TRIO: variants seen among roughly 807,000 people sequenced by gnomAD.
TRIO encodes triple functional domain protein.
Under a neutral mutation model 351.9 loss-of-function variants are expected in TRIO, and 58 were observed. The ratio of observed to expected loss-of-function variants is 0.16; its 90% CI spans 0.13 to 0.21. The LOEUF is 0.21. Among genes scored for constraint, TRIO ranks in the 10% least tolerant of loss-of-function variants. The pLI is 1.00. For synonymous variants in TRIO, 1,758 were observed against 1,595.7 expected (o/e 1.10, Z -2.42); for missense variants, 3,201 against 4,027.8 (o/e 0.79, Z 5.56).
rs962725852 is a variant in TRIO, at chr5:14,498,435, C to T, written c.8211-84C>T. 1.9e-6 allele frequency: 3 copies of T among 1,544,290 alleles called. No individual in the cohort carries two copies. In the South Asian group the frequency reaches 3.6e-5, roughly 18 times the overall value. ...CATCAGCACTTGAGCTCCTGCCTTC[C>T]CTTGATCCTGAAGGAGGAGGCCAGC... On this transcript the variant is annotated intron_variant, in intron 52 of 56. Transcript: ENST00000344204.
At chr5:14,170,170 C>CT (rs1481020514) in intron 1 of TRIO, among the ~76,000 whole-genome samples, 1 of 152,042 alleles carries the variant, frequency 6.6e-6, no homozygotes, top group Non-Finnish European at 1.5e-5. Context: ...TTTGGAAAGC[C>CT]TTTTTTTCTT....
intron 34 of TRIO, among the ~76,000 whole-genome samples, chr5:14,434,280 G>C (rs1451550502): frequency 1.3e-5 from 2 of 152,146 alleles, no homozygotes; most frequent in African/African-American, 4.8e-5. Flanking sequence ...TCCCACAAAA[G>C]TATGTGGAAA....
intron 1 of TRIO, among the ~76,000 whole-genome samples, chr5:14,205,491 T>G (rs1301842836): frequency 1.3e-5 from 2 of 152,156 alleles, no homozygotes; most frequent in African/African-American, 4.8e-5. Context: ...TATCTGAAGT[T>G]CCTTGGCCAG....
chr5:14,233,907 CAG>C (rs1385248266), intron 1 of TRIO, among the ~76,000 whole-genome samples: 1 of 152,128 alleles, frequency 6.6e-6, no homozygotes. Context: ...TCTTTCACCT[CAG>C]CCTCCTGAGT....
chr5:14,209,394 C>T (rs972648784), intron 1 of TRIO, among the ~76,000 whole-genome samples: 5 of 152,192 alleles, frequency 3.3e-5, no homozygotes, highest in Non-Finnish European at 7.3e-5. Context: ...GTGAGCTCTT[C>T]GGAAGTCACC....
chr5:14,371,747 C>T (rs1267976262), intron 18 of TRIO, among the ~76,000 whole-genome samples: 1 of 151,274 alleles, frequency 6.6e-6, no homozygotes, highest in Non-Finnish European at 1.5e-5. Context: ...CTTAAGTGAT[C>T]ATCCCACCTC....
chr5:14,459,384 A>T (rs1484175386), intron 34 of TRIO, among the ~76,000 whole-genome samples: 1 of 152,254 alleles, frequency 6.6e-6, no homozygotes, highest in East Asian at 1.9e-4. Context: ...AGCACAGTGA[A>T]TGATCACCAT....
At chr5:14,226,619 G>C (rs568479486) in intron 1 of TRIO, among the ~76,000 whole-genome samples, 13 of 152,312 alleles carry the variant, frequency 8.5e-5, no homozygotes, top group African/African-American at 3.1e-4. Flanking sequence ...ATTTATAAGA[G>C]GCTGTAAGAC....
chr5:14,173,249 A>G (rs187087), intron 1 of TRIO, among the ~76,000 whole-genome samples: 58,345 of 141,476 alleles, frequency 0.41, 14,552 homozygotes, highest in African/African-American at 0.71. Context: ...TTGAGACAGA[A>G]ACACAGGCTG....
rs754380650 is a variant in TRIO, at chr5:14,291,104, A to G, written c.929A>G (p.Lys310Arg). 1.2e-6 allele frequency: 2 copies of G among 1,614,202 alleles called. No individual in the cohort carries two copies. The highest frequency in any genetic ancestry group is 4.5e-5 in the East Asian group (2 of 44,888). Residue 310 changes from lysine (K) to arginine (R), a missense_variant, in exon 5 of 57, where the codon AAG (lysine) becomes AGG (arginine). This residue lies in a region of TRIO where 349 missense variants were observed against 449.3 expected (regional missense o/e 0.78). Coordinates refer to ENST00000344204, the MANE Select transcript of TRIO (RefSeq NM_007118.4). ...GCGGACCTGCAGAACCTCTTGCCCA[A>G]GGTGTCCACCATGCTGGACCGGCTG... ...GNADLQNLLP[K>R]VSTMLDRLHS...
chr5:14,294,115 G>A (rs1458845775), intron 6 of TRIO, among the ~76,000 whole-genome samples: 4 of 152,182 alleles, frequency 2.6e-5, no homozygotes, highest in Non-Finnish European at 5.9e-5. Flanking sequence ...GAGCCCAGGA[G>A]TTGCAGGCAA....
chr5:14,432,530 T>G (rs1162758189), intron 34 of TRIO, among the ~76,000 whole-genome samples: 38 of 152,230 alleles, frequency 2.5e-4, no homozygotes, highest in Admixed American at 2.5e-3. Context: ...AAGATCAAGT[T>G]TCAGATTTCC....
intron 1 of TRIO, among the ~76,000 whole-genome samples, chr5:14,192,912 AAG>A (rs1414343950): frequency 1.3e-5 from 2 of 152,270 alleles, no homozygotes; most frequent in Non-Finnish European, 2.9e-5. Flanking sequence ...TGAAGTTAAT[AAG>A]AGTGATTACA....
At chr5:14,154,844 C>T (rs1788016280) in intron 1 of TRIO, among the ~76,000 whole-genome samples, 1 of 152,150 alleles carries the variant, frequency 6.6e-6, no homozygotes, top group Non-Finnish European at 1.5e-5. Flanking sequence ...CCAGTCACTT[C>T]CTCCTAGTTT....
chr5:14,431,870 C>T (rs886932747), intron 34 of TRIO, among the ~76,000 whole-genome samples: 2 of 152,204 alleles, frequency 1.3e-5, no homozygotes, highest in African/African-American at 4.8e-5. Context: ...GCTGATTCTC[C>T]ATATAGCTGT....
intron 18 of TRIO, among the ~76,000 whole-genome samples, chr5:14,370,505 C>T (rs1250789342): frequency 1.3e-5 from 2 of 152,120 alleles, no homozygotes; most frequent in Non-Finnish European, 2.9e-5. Flanking sequence ...ATTGCTTCAG[C>T]GTTCTCACCT....
chr5:14,407,938 T>TAA (rs1748866063), intron 33 of TRIO, among the ~76,000 whole-genome samples: 1 of 152,212 alleles, frequency 6.6e-6, no homozygotes, highest in Admixed American at 6.5e-5. Flanking sequence ...AAATTGACAG[T>TAA]AAATAGGGGG....
chr5:14,258,234 A>G (rs1561260673), intron 1 of TRIO, among the ~76,000 whole-genome samples: 1 of 152,110 alleles, frequency 6.6e-6, no homozygotes. Flanking sequence ...CCTCATCCCC[A>G]TGTGTGTAGC....
At chr5:14,271,095 A>G (rs151292656) in intron 2 of TRIO, among the ~76,000 whole-genome samples, 196 bp downstream of exon 2, 1 of 152,348 alleles carries the variant, frequency 6.6e-6, no homozygotes, top group Non-Finnish European at 1.5e-5. Flanking sequence ...GAGGCACATG[A>G]TAAGTTAGTT....
Sources: allele counts gnomAD v4.1 joint callset (sites outside exome capture counted in the v4.1 genomes callset), GRCh38; gene constraint gnomAD v4.1.1; regional missense constraint gnomAD v4.1.1; transcripts MANE v1.5; gene names NCBI Gene and HGNC (gene_info 2026-07-23, HGNC 2026-07-21).